The following AGTPBP1 variants were observed in gnomAD, a reference collection of about 807,000 sequenced individuals.
AGTPBP1 encodes the protein cytosolic carboxypeptidase 1.
A neutral mutation model predicts 143.9 loss-of-function variants in AGTPBP1; 70 were observed. That is an observed-to-expected ratio of 0.49 (90% CI 0.40 to 0.59). The LOEUF is 0.59. AGTPBP1 is among the 20% of genes least tolerant of loss of function. The pLI is 0.00. For synonymous variants in AGTPBP1, 463 were observed against 500.2 expected (o/e 0.93, Z 0.99); for missense variants, 1,229 against 1,464.5 (o/e 0.84, Z 2.62).
chr9:85,756,033 A>G, the AGTPBP1 span: 12 of 1,376,190 alleles, frequency 8.7e-6, no homozygotes, highest in African/African-American at 1.6e-4. Context: ...TTTTTATGGC[A>G]GAAGGAAAAA....
chr9:85,663,856 A>C (rs1191529942), intron 8 of AGTPBP1, among the ~76,000 whole-genome samples: 1 of 152,098 alleles, frequency 6.6e-6, no homozygotes, highest in East Asian at 1.9e-4. Flanking sequence ...ACCCAAATAA[A>C]CATTCACAGC....
the AGTPBP1 span, among the ~76,000 whole-genome samples, chr9:85,802,771 C>T: frequency 2.4e-4 from 36 of 152,324 alleles, no homozygotes; most frequent in Non-Finnish European, 4.4e-4. Context: ...GCTCTGCCAA[C>T]CCCAGAGGCT....
intron 11 of AGTPBP1, among the ~76,000 whole-genome samples, chr9:85,648,796 T>C (rs958446766): frequency 6.6e-6 from 1 of 151,828 alleles, no homozygotes; most frequent in African/African-American, 2.4e-5. Flanking sequence ...TGGGCAACAG[T>C]GCGAGACTCC....
chr9:85,613,758 A>G (rs1830452477), intron 17 of AGTPBP1, among the ~76,000 whole-genome samples: 2 of 152,106 alleles, frequency 1.3e-5, no homozygotes, highest in African/African-American at 4.8e-5. Flanking sequence ...TAAGTGTTCA[A>G]AGTAAGATCA....
chr9:85,610,129 T>C (rs1830227610), intron 17 of AGTPBP1, among the ~76,000 whole-genome samples: 1 of 152,196 alleles, frequency 6.6e-6, no homozygotes. Context: ...TTGTACTTTA[T>C]TGCCTGGTTC....
intron 11 of AGTPBP1, among the ~76,000 whole-genome samples, chr9:85,647,352 A>G (rs1767240566): frequency 6.6e-6 from 1 of 152,236 alleles, no homozygotes; most frequent in African/African-American, 2.4e-5. Flanking sequence ...GCCCATGGGC[A>G]GCATATTGGA....
chr9:85,673,355 A>T (rs2148587), intron 6 of AGTPBP1, among the ~76,000 whole-genome samples: 49,129 of 151,746 alleles, frequency 0.32, 9,543 homozygotes, highest in East Asian at 0.57. Context: ...CAGAACACCA[A>T]CACAGAGTTA....
upstream of AGTPBP1, among the ~76,000 whole-genome samples, chr9:85,746,860 A>G (rs1373834053): frequency 6.6e-6 from 1 of 151,496 alleles, no homozygotes; most frequent in Non-Finnish European, 1.5e-5. Flanking sequence ...TATACCTTAC[A>G]TATGTACAAT....
intron 14 of AGTPBP1, among the ~76,000 whole-genome samples, chr9:85,631,944 G>C (rs973620102): frequency 6.6e-6 from 1 of 152,058 alleles, no homozygotes. Context: ...TAATCTTATT[G>C]ATGTTATGAA....
intron 6 of AGTPBP1, among the ~76,000 whole-genome samples, chr9:85,676,261 T>G (rs1358504767): frequency 6.6e-6 from 1 of 151,824 alleles, no homozygotes; most frequent in Non-Finnish European, 1.5e-5. Context: ...AGTGAAGAGA[T>G]AACCTACAGA....
the AGTPBP1 span, among the ~76,000 whole-genome samples, chr9:85,798,370 T>C: frequency 7.3e-5 from 11 of 151,294 alleles, no homozygotes; most frequent in South Asian, 2.1e-4. Flanking sequence ...TTCTTTTTTT[T>C]TTTTTTTCTT....
chr9:85,564,022 T>C (rs983769623), intron 25 of AGTPBP1, among the ~76,000 whole-genome samples: 7 of 152,104 alleles, frequency 4.6e-5, no homozygotes, highest in African/African-American at 9.7e-5. Context: ...CACCTAGATA[T>C]CGAAGGATGG....
chr9:85,805,410 C>T, the AGTPBP1 span: 9 of 152,552 alleles, frequency 5.9e-5, no homozygotes, highest in Non-Finnish European at 1.0e-4. Context: ...CCCCGGCGCC[C>T]CGGGACCCGT....
intron 2 of AGTPBP1, among the ~76,000 whole-genome samples, chr9:85,698,023 G>C (rs1836382881): frequency 6.6e-6 from 1 of 151,946 alleles, no homozygotes; most frequent in South Asian, 2.1e-4. Context: ...TGCATTCACA[G>C]AAACCAACAT....
chr9:85,744,742 A>T (rs1824562152), upstream of AGTPBP1, among the ~76,000 whole-genome samples: 1 of 152,196 alleles, frequency 6.6e-6, no homozygotes, highest in Non-Finnish European at 1.5e-5. Flanking sequence ...CACTGTAGGC[A>T]TGTTTAGGCA....
intron 10 of AGTPBP1, among the ~76,000 whole-genome samples, chr9:85,656,214 A>G (rs1191986000): frequency 6.6e-6 from 1 of 152,220 alleles, no homozygotes; most frequent in African/African-American, 2.4e-5. Context: ...AAACCGTCAT[A>G]TAACAACAGT....
the AGTPBP1 span, chr9:85,774,073 T>G: frequency 1.5e-6 from 2 of 1,348,144 alleles, no homozygotes; most frequent in South Asian, 2.3e-5. Context: ...AAAGTTGATG[T>G]GTAGGTGTGG....
upstream of AGTPBP1, among the ~76,000 whole-genome samples, chr9:85,746,762 A>T (rs1824590247): frequency 6.6e-6 from 1 of 152,224 alleles, no homozygotes; most frequent in Non-Finnish European, 1.5e-5. Flanking sequence ...CCACAAAAAA[A>T]AAACCAAAAT....
At chr9:85,764,396 G>A in the AGTPBP1 span, among the ~76,000 whole-genome samples, 2 of 152,054 alleles carry the variant, frequency 1.3e-5, no homozygotes, top group Admixed American at 6.6e-5. Flanking sequence ...TGCACATGGT[G>A]ATGAGCGCCT....
Sources: allele counts gnomAD v4.1 joint callset (sites outside exome capture counted in the v4.1 genomes callset), GRCh38; gene constraint gnomAD v4.1.1; transcripts MANE v1.5; gene names NCBI Gene and HGNC (gene_info 2026-07-23, HGNC 2026-07-21).